SHISAL1: variants seen among roughly 807,000 people sequenced by gnomAD.
The protein encoded by SHISAL1 is shisa like 1.
In SHISAL1, 9 loss-of-function variants were observed where a neutral mutation model predicts 22.6. That is an observed-to-expected ratio of 0.40 (90% confidence interval 0.24 to 0.70). The LOEUF (loss-of-function observed/expected upper bound fraction) is 0.70. SHISAL1 is among the 30% of genes least tolerant of loss of function. The pLI is 0.39. For synonymous variants in SHISAL1, 119 were observed against 115.4 expected (o/e 1.03, Z -0.20); for missense variants, 246 against 270.6 (o/e 0.91, Z 0.64).
rs1236400069 is a variant in SHISAL1 at position 44,253,394 on chromosome 22, G to A, written c.*-3709C>T. ...CATAGAGCAAGACTGGAAATTTAGG[G>A]AGAAAAAGCAGAGTATGCTAGTATT... On this transcript the variant is annotated intron_variant, in intron 4 of 4. Coordinates refer to ENST00000381176, the MANE Select transcript of SHISAL1 (RefSeq NM_001099294.2). Among the ~76,000 whole-genome samples, 4 of 150,638 alleles carry A rather than the reference G, an allele frequency of 2.7e-5. 1 individual carries two copies. The highest frequency in any genetic ancestry group is 9.8e-5 in the African/African-American group (4 of 41,018).
intron 4 of SHISAL1, among the ~76,000 whole-genome samples, chr22:44,282,250 C>T (rs1027024264): frequency 1.3e-5 from 2 of 152,214 alleles, no homozygotes; most frequent in African/African-American, 4.8e-5. Flanking sequence ...GATCTGCTCC[C>T]CGCCCACCGT....
chr22:44,282,083 G>A (rs2055280512), intron 4 of SHISAL1, among the ~76,000 whole-genome samples: 1 of 152,222 alleles, frequency 6.6e-6, no homozygotes, highest in Non-Finnish European at 1.5e-5. Context: ...CTTCAATACT[G>A]CTGTTCAGCG....
In SHISAL1 at chr22:44,245,468, T is replaced by C. The variant is rs1441814448; in HGVS notation, c.*4217A>G. The C allele has an allele frequency of 6.6e-6, 1 of 152,226 alleles. No homozygotes were observed. Among genetic ancestry groups the C allele is most frequent in the Non-Finnish European group, 1.5e-5 (1 of 68,056 alleles). The allele number at this position is 152,226 out of a possible 1,614,324, so 9.4% of individuals were successfully genotyped here. On this transcript the variant is annotated 3_prime_UTR_variant, in exon 5 of 5. Coordinates refer to ENST00000381176, the MANE Select transcript of SHISAL1 (RefSeq NM_001099294.2). ...ATCTGTAAATTCACTTCCGAAGGCT[T>C]TTCCTGTTGATGGGGACCAGTTCAG...
At chr22:44,276,532 T>C (rs58140791) in intron 4 of SHISAL1, among the ~76,000 whole-genome samples, 12,047 of 146,568 alleles carry the variant, frequency 0.082, 1,079 homozygotes, top group African/African-American at 0.2. Context: ...CCAGAGAAGA[T>C]GGACAAGGAG....
intron 1 of SHISAL1, among the ~76,000 whole-genome samples, chr22:44,311,762 C>T (rs1361580778): frequency 5.9e-5 from 9 of 152,322 alleles, no homozygotes; most frequent in East Asian, 1.9e-4. Context: ...GGTCACAGGG[C>T]GAGGGGCTCA....
At chr22:44,251,185 G>C (rs1261072640) in intron 4 of SHISAL1, among the ~76,000 whole-genome samples, 1 of 152,204 alleles carries the variant, frequency 6.6e-6, no homozygotes, top group Non-Finnish European at 1.5e-5. Flanking sequence ...TAAGGTGATT[G>C]TGTGTTTTAC....
chr22:44,287,979 T>TC (rs2055327829), intron 3 of SHISAL1, among the ~76,000 whole-genome samples: 1 of 152,162 alleles, frequency 6.6e-6, no homozygotes, highest in Non-Finnish European at 1.5e-5. Flanking sequence ...GCAGATGCTG[T>TC]CCGCAGAAGG....
intron 4 of SHISAL1, among the ~76,000 whole-genome samples, chr22:44,261,308 C>T (rs1417611334): frequency 1.3e-5 from 2 of 151,912 alleles, no homozygotes; most frequent in African/African-American, 4.8e-5. Context: ...GCTCTTCACA[C>T]TACTGGGAAT....
chr22:44,274,865 T>C (rs201750829), intron 4 of SHISAL1, among the ~76,000 whole-genome samples: 3 of 152,256 alleles, frequency 2.0e-5, no homozygotes, highest in East Asian at 3.9e-4. Context: ...TAGCATTTCC[T>C]GAGGCATCTG....
At chr22:44,264,621 A>C (rs1451110884) in intron 4 of SHISAL1, among the ~76,000 whole-genome samples, 1 of 152,172 alleles carries the variant, frequency 6.6e-6, no homozygotes, top group Non-Finnish European at 1.5e-5. Context: ...GGAGGCCTCT[A>C]ATGTGGCCCA....
At chr22:44,258,556 G>A (rs959110267) in intron 4 of SHISAL1, among the ~76,000 whole-genome samples, 3 of 152,154 alleles carry the variant, frequency 2.0e-5, no homozygotes, top group African/African-American at 7.2e-5. Context: ...ACTTATAAGT[G>A]AGAGCATGTG....
intron 4 of SHISAL1, among the ~76,000 whole-genome samples, chr22:44,275,376 G>A (rs762495493): frequency 6.6e-6 from 1 of 152,330 alleles, no homozygotes; most frequent in African/African-American, 2.4e-5. Context: ...CTGGCAGCCC[G>A]CGAAGGGGCC....
At chr22:44,293,993 A>G (rs1569221327) in intron 3 of SHISAL1, among the ~76,000 whole-genome samples, 1 of 152,210 alleles carries the variant, frequency 6.6e-6, no homozygotes, top group East Asian at 1.9e-4. Flanking sequence ...TGTGGGCTTC[A>G]AAATGAGGAT....
Position 44,245,149 on chromosome 22 carries a change from C to G in SHISAL1, c.*4536G>C, listed in dbSNP as rs899962869. On this transcript the variant is annotated 3_prime_UTR_variant, in exon 5 of 5. Transcript: ENST00000381176. ...CACCCTCTGATGCCCACCACGTGAG[C>G]AGGATGATTAAGAATTCCTGCAGTT... is the stretch of plus-strand genomic sequence containing the variant. 2 of 152,256 alleles carry G rather than the reference C, an allele frequency of 1.3e-5. No individual in the cohort carries two copies. The highest frequency in any genetic ancestry group is 2.9e-5 in the Non-Finnish European group (2 of 68,056). The allele number at this position is 152,256 out of a possible 1,614,324, so 9.4% of individuals were successfully genotyped here. A position where few individuals can be genotyped will look rare whatever the true frequency, so the allele number is the denominator to read the frequency against.
At chr22:44,255,046 T>C (rs116433185) in intron 4 of SHISAL1, among the ~76,000 whole-genome samples, 9,477 of 152,228 alleles carry the variant, frequency 0.062, 363 homozygotes, top group East Asian at 0.11. Flanking sequence ...TCCCCTCTCC[T>C]GATCCTCCTC....
At chr22:44,275,952 G>A (rs2055236781) in intron 4 of SHISAL1, among the ~76,000 whole-genome samples, 1 of 152,240 alleles carries the variant, frequency 6.6e-6, no homozygotes, top group Non-Finnish European at 1.5e-5. Flanking sequence ...CAACATGGAT[G>A]TATTGAGCAC....
chr22:44,318,882 A>C, the SHISAL1 span, among the ~76,000 whole-genome samples: 2 of 152,202 alleles, frequency 1.3e-5, no homozygotes, highest in Non-Finnish European at 2.9e-5. Context: ...CATATGTGGC[A>C]GACTTGGGAC....
In SHISAL1 at chr22:44,249,664, TG is replaced by T. The variant is rs762424684; in HGVS notation, c.*20del. On this transcript the variant is annotated 3_prime_UTR_variant, in exon 5 of 5. Coordinates refer to ENST00000381176, the MANE Select transcript of SHISAL1 (RefSeq NM_001099294.2). ...GCTTCAGATCTCATCTCCCCCATCCTGAGGCACAGCAAAAGCGTTTTCTGGA... is the reference window on the plus strand; with the variant it reads ...GCTTCAGATCTCATCTCCCCCATCCTAGGCACAGCAAAAGCGTTTTCTGGA... 21 of 779,800 alleles carry T rather than the reference TG, an allele frequency of 2.7e-5. No homozygotes were observed. Among genetic ancestry groups the T allele is most frequent in the Non-Finnish European group, 4.8e-5 (20 of 418,072 alleles). 48.3% of individuals were successfully genotyped at this position (779,800 alleles called of 1,614,324 possible).
At chr22:44,296,559 A>C (rs1601799229) in intron 3 of SHISAL1, 113 bp downstream of exon 3, 1 of 862,794 alleles carries the variant, frequency 1.2e-6, no homozygotes, top group Non-Finnish European at 1.9e-6. Flanking sequence ...TTCCAGGCCC[A>C]CCCAACCTTA....
Sources: allele counts gnomAD v4.1 joint callset (sites outside exome capture counted in the v4.1 genomes callset), GRCh38; gene constraint gnomAD v4.1.1; transcripts MANE v1.5; gene names NCBI Gene and HGNC (gene_info 2026-07-23, HGNC 2026-07-21).